Variants in CELF4 observed in about 807,000 individuals in gnomAD.
The protein encoded by CELF4 is CUGBP Elav-like family member 4, also known as CUG-BP- and ETR-3-like factor 4.
CELF4 carries 18 observed loss-of-function variants against 59.9 expected under a neutral mutation model. The observed-to-expected ratio is 0.30, with a 90% CI of 0.21 to 0.45. CELF4 has a LOEUF of 0.45. CELF4 is among the 20% of genes least tolerant of loss of function. The probability of loss-of-function intolerance (pLI) is 1.00; values close to 1 mark genes in which losing one functional copy is unlikely to be tolerated. For missense variants in CELF4, 456 were observed against 689.0 expected (o/e 0.66, Z 3.79); for synonymous variants, 261 against 267.1 (o/e 0.98, Z 0.22).
intron 2 of CELF4, among the ~76,000 whole-genome samples, chr18:37,357,313 C>A (rs1410673320): frequency 6.6e-6 from 1 of 152,186 alleles, no homozygotes; most frequent in Non-Finnish European, 1.5e-5. Context: ...CTGAAAGGGG[C>A]CAGCGTAGAG....
intron 2 of CELF4, among the ~76,000 whole-genome samples, chr18:37,385,647 G>C (rs895845024): frequency 5.9e-5 from 9 of 151,956 alleles, no homozygotes; most frequent in African/African-American, 1.9e-4. Context: ...TGCAAACCCT[G>C]CCTTGGGCAT....
intron 1 of CELF4, among the ~76,000 whole-genome samples, chr18:37,516,707 C>T (rs72891076): frequency 0.018 from 2,769 of 152,286 alleles, 41 homozygotes; most frequent in Middle Eastern, 0.031. Flanking sequence ...AATTCAGAAC[C>T]CAGGCAGGTC....
intron 2 of CELF4, among the ~76,000 whole-genome samples, chr18:37,438,112 C>A (rs1392250737): frequency 6.6e-6 from 1 of 152,170 alleles, no homozygotes; most frequent in African/African-American, 2.4e-5. Context: ...ACTTCCCAGC[C>A]CCCAGAACTG....
chr18:37,251,246 G>A (rs2065280566), intron 12 of CELF4, among the ~76,000 whole-genome samples: 1 of 152,132 alleles, frequency 6.6e-6, no homozygotes, highest in Non-Finnish European at 1.5e-5. Flanking sequence ...GGTAAGCACT[G>A]TGTGAAGGTC....
chr18:37,302,804 G>T (rs772163443), intron 3 of CELF4, among the ~76,000 whole-genome samples: 6 of 152,188 alleles, frequency 3.9e-5, no homozygotes, highest in Non-Finnish European at 8.8e-5. Flanking sequence ...GTGGTGCGGG[G>T]AGCAGGCAGG....
intron 2 of CELF4, among the ~76,000 whole-genome samples, chr18:37,373,418 A>G (rs2098927445): frequency 6.6e-6 from 1 of 152,150 alleles, no homozygotes; most frequent in Non-Finnish European, 1.5e-5. Context: ...ACTACCTGAG[A>G]CCCTGGACGG....
intron 2 of CELF4, among the ~76,000 whole-genome samples, chr18:37,378,175 T>A (rs1197055435): frequency 6.6e-6 from 1 of 152,190 alleles, no homozygotes; most frequent in Non-Finnish European, 1.5e-5. Context: ...ACCCCTCCTC[T>A]GGAGAGCAGC....
intron 2 of CELF4, among the ~76,000 whole-genome samples, chr18:37,353,233 A>AAAATAGATATATATATATATAT (rs71168258): frequency 9.3e-6 from 1 of 106,990 alleles, no homozygotes; most frequent in South Asian, 3.2e-4. Flanking sequence ...AAAAAAAAAA[A>AAAATAGATATATATATATATAT]ATATATATAT....
chr18:37,314,076 C>A (rs562595438), intron 3 of CELF4, among the ~76,000 whole-genome samples: 56 of 152,318 alleles, frequency 3.7e-4, no homozygotes, highest in African/African-American at 1.3e-3. Context: ...CCTTCCTCAC[C>A]CTGCCCAGGT....
intron 2 of CELF4, among the ~76,000 whole-genome samples, chr18:37,480,917 G>C (rs2099865056): frequency 6.6e-6 from 1 of 151,896 alleles, no homozygotes; most frequent in Non-Finnish European, 1.5e-5. Context: ...TGAGAAGAAG[G>C]GATAGAAAGG....
intron 2 of CELF4, among the ~76,000 whole-genome samples, chr18:37,323,699 C>T (rs185132405): frequency 6.6e-6 from 1 of 152,214 alleles, no homozygotes; most frequent in South Asian, 2.1e-4. Context: ...TAAGGACTGA[C>T]CTGGACCCAG....
intron 2 of CELF4, among the ~76,000 whole-genome samples, chr18:37,400,990 T>C (rs1026121509): frequency 1.3e-5 from 2 of 152,220 alleles, no homozygotes; most frequent in African/African-American, 2.4e-5. Context: ...TGATGCAGTG[T>C]TGGGCCTGGC....
intron 1 of CELF4, among the ~76,000 whole-genome samples, chr18:37,518,856 A>G (rs998812679): frequency 1.3e-5 from 2 of 152,214 alleles, no homozygotes; most frequent in Admixed American, 6.5e-5. Context: ...TCTGATGGAC[A>G]TTAACATGCA....
intron 1 of CELF4, among the ~76,000 whole-genome samples, chr18:37,540,208 T>C (rs4799943): frequency 0.99 from 150,000 of 152,268 alleles, 73,921 homozygotes; most frequent in Middle Eastern, 1. Context: ...CACTTGCTGG[T>C]ACCCAGGAGG....
intron 2 of CELF4, among the ~76,000 whole-genome samples, chr18:37,337,609 C>CA (rs1168635538): frequency 4.6e-5 from 7 of 152,228 alleles, no homozygotes; most frequent in Admixed American, 2.0e-4. Context: ...GAGGCCCCCT[C>CA]AGTGACTGAG....
At chr18:37,537,496 C>G (rs756224827) in intron 1 of CELF4, among the ~76,000 whole-genome samples, 6 of 152,122 alleles carry the variant, frequency 3.9e-5, no homozygotes, top group African/African-American at 1.4e-4. Context: ...GGCCAGTTCC[C>G]GGTCGGGTCT....
chr18:37,456,611 G>A (rs575320421), intron 2 of CELF4, among the ~76,000 whole-genome samples: 1 of 152,284 alleles, frequency 6.6e-6, no homozygotes, highest in East Asian at 1.9e-4. Flanking sequence ...TCTTCTGACT[G>A]AATTCCTTTG....
chr18:37,454,949 A>G (rs1016804489), intron 2 of CELF4, among the ~76,000 whole-genome samples: 5 of 152,108 alleles, frequency 3.3e-5, no homozygotes, highest in African/African-American at 1.2e-4. Flanking sequence ...ATGGGTCCCT[A>G]TCCCTAGAGT....
At chr18:37,303,463 C>T (rs1284251668) in intron 3 of CELF4, among the ~76,000 whole-genome samples, 1 of 152,114 alleles carries the variant, frequency 6.6e-6, no homozygotes, top group East Asian at 1.9e-4. Context: ...TCATTTTCAG[C>T]AGTAATTATG....
Sources: allele counts gnomAD v4.1 joint callset (sites outside exome capture counted in the v4.1 genomes callset), GRCh38; gene constraint gnomAD v4.1.1; transcripts MANE v1.5; gene names NCBI Gene and HGNC (gene_info 2026-07-23, HGNC 2026-07-21).